SLC15A1: variants seen among roughly 807,000 people sequenced by gnomAD.
SLC15A1 encodes the protein solute carrier family 15 member 1.
SLC15A1 carries 83 observed loss-of-function variants against 92.9 expected under a neutral mutation model. The observed-to-expected ratio is 0.89, with a 90% CI of 0.75 to 1.07. SLC15A1 has a LOEUF of 1.07. Ranked by LOEUF, SLC15A1 falls within the 50% of genes least tolerant of loss-of-function variation. The pLI is 0.00. For missense variants in SLC15A1, 857 were observed against 880.1 expected (o/e 0.97, Z 0.33); for synonymous variants, 322 against 318.2 (o/e 1.01, Z -0.13).
intron 1 of SLC15A1, among the ~76,000 whole-genome samples, chr13:98,736,790 G>C (rs560076981): frequency 1.3e-5 from 2 of 152,168 alleles, no homozygotes; most frequent in Admixed American, 1.3e-4. Flanking sequence ...AAACCACAAT[G>C]AGATACCACC....
At chr13:98,732,050 T>C (rs2088354457) in intron 1 of SLC15A1, among the ~76,000 whole-genome samples, 1 of 152,242 alleles carries the variant, frequency 6.6e-6, no homozygotes, top group Non-Finnish European at 1.5e-5. Context: ...CTTATCTTAA[T>C]GTACCTGTGT....
chr13:98,691,713 A>G (rs2087978977), intron 18 of SLC15A1, among the ~76,000 whole-genome samples: 1 of 152,208 alleles, frequency 6.6e-6, no homozygotes, highest in African/African-American at 2.4e-5. Context: ...GTGGTAAAAC[A>G]TTTTAGCCCA....
chr13:98,699,001 C>A (rs1330401785), intron 18 of SLC15A1, among the ~76,000 whole-genome samples: 1 of 151,992 alleles, frequency 6.6e-6, no homozygotes, highest in African/African-American at 2.4e-5. Context: ...TTTTGGGGTG[C>A]ACAGTGCTAT....
At chr13:98,686,816 G>T (rs1328827663) in intron 21 of SLC15A1, among the ~76,000 whole-genome samples, 1 of 152,110 alleles carries the variant, frequency 6.6e-6, no homozygotes, top group Non-Finnish European at 1.5e-5. Context: ...GGCATTGTGG[G>T]CTATAATGCC....
chr13:98,730,249 GAGGGGA>G (rs2088338054), intron 1 of SLC15A1, among the ~76,000 whole-genome samples: 5 of 22,680 alleles, frequency 2.2e-4, no homozygotes, highest in African/African-American at 5.6e-4. Flanking sequence ...AGGGGAAGGG[GAGGGGA>G]AGGGGAGGGG....
chr13:98,699,402 G>A (rs2088049979), intron 18 of SLC15A1, among the ~76,000 whole-genome samples: 1 of 152,192 alleles, frequency 6.6e-6, no homozygotes, highest in Admixed American at 6.5e-5. Context: ...AAATAAAAGT[G>A]TGTAATTTTT....
At chr13:98,710,456 T>A (rs2088152413) in intron 11 of SLC15A1, among the ~76,000 whole-genome samples, 1 of 152,188 alleles carries the variant, frequency 6.6e-6, no homozygotes, top group Non-Finnish European at 1.5e-5. Context: ...ATTATGTCTA[T>A]GGAAGACTAA....
At chr13:98,729,007 C>CAAAAAAAAAAAAAAAAAAA (rs1176117196) in intron 1 of SLC15A1, among the ~76,000 whole-genome samples, 1 of 69,654 alleles carries the variant, frequency 1.4e-5, no homozygotes. Context: ...AAAAAAAAAA[C>CAAAAAAAAAAAAAAAAAAA]AACAAGCCCC....
chr13:98,694,538 T>G (rs1043462664), intron 18 of SLC15A1, among the ~76,000 whole-genome samples: 2 of 152,172 alleles, frequency 1.3e-5, no homozygotes, highest in African/African-American at 4.8e-5. Context: ...TCATTACATG[T>G]GACAAAAAGT....
At chr13:98,745,980 T>G (rs2139614412) in intron 1 of SLC15A1, among the ~76,000 whole-genome samples, 1 of 152,316 alleles carries the variant, frequency 6.6e-6, no homozygotes, top group South Asian at 2.1e-4. Flanking sequence ...ACCTAGGTAC[T>G]AAGCCTAATA....
intron 8 of SLC15A1, among the ~76,000 whole-genome samples, chr13:98,716,349 C>T (rs549249722): frequency 1.4e-4 from 21 of 152,244 alleles, no homozygotes; most frequent in Non-Finnish European, 3.1e-4. Flanking sequence ...GGGCCAGGCG[C>T]GGTGGCTCAA....
chr13:98,703,164 AGAAG>A (rs1281363952), intron 17 of SLC15A1, among the ~76,000 whole-genome samples: 16 of 129,868 alleles, frequency 1.2e-4, no homozygotes, highest in South Asian at 3.2e-4. Context: ...ATGGACGGAC[AGAAG>A]GAAGGAAGGA....
At chr13:98,732,325 C>G (rs540799812) in intron 1 of SLC15A1, among the ~76,000 whole-genome samples, 46 of 152,254 alleles carry the variant, frequency 3.0e-4, no homozygotes, top group Middle Eastern at 3.4e-3. Context: ...TCCTTAGCAC[C>G]CAACACATTG....
In SLC15A1 at chr13:98,693,837, G is replaced by A. The variant is rs150045447; in HGVS notation, c.1467-5260C>T. On this transcript the variant is annotated intron_variant, in intron 18 of 22. Transcript: ENST00000376503. The stretch of plus-strand genomic sequence containing the variant: ...AACCTCAGGACCCCAAAATCACTAT[G>A]CCAAAGGGAAAGCGAAGCTTGGGAA... Among the ~76,000 whole-genome samples the A allele has an allele frequency of 5.9e-3, 904 of 152,326 alleles. 4 individuals carry two copies. Among genetic ancestry groups the A allele is most frequent in the Non-Finnish European group, 0.011 (721 of 68,028 alleles).
At chr13:98,698,744 G>A (rs1381335284) in intron 18 of SLC15A1, among the ~76,000 whole-genome samples, 5 of 152,060 alleles carry the variant, frequency 3.3e-5, no homozygotes, top group Non-Finnish European at 5.9e-5. Context: ...GCCTACATTC[G>A]TAAGTTAATA....
chr13:98,736,633 A>C, intron 1 of SLC15A1, among the ~76,000 whole-genome samples: 1 of 152,350 alleles, frequency 6.6e-6, no homozygotes, highest in East Asian at 1.9e-4. Flanking sequence ...AAGAACTTAA[A>C]TAAATTTATA....
intron 5 of SLC15A1, among the ~76,000 whole-genome samples, chr13:98,722,400 T>C (rs2088267979): frequency 6.6e-6 from 1 of 152,196 alleles, no homozygotes; most frequent in South Asian, 2.1e-4. Flanking sequence ...AGATTTATTG[T>C]CATGTCTAGA....
At chr13:98,734,288 T>C (rs1171592744) in intron 1 of SLC15A1, among the ~76,000 whole-genome samples, 1 of 152,208 alleles carries the variant, frequency 6.6e-6, no homozygotes, top group African/African-American at 2.4e-5. Flanking sequence ...TTTGAAAGTA[T>C]GTATCATCGA....
chr13:98,692,054 C>T lies in SLC15A1; in HGVS notation c.1467-3477G>A, dbSNP rs531152111. Among the ~76,000 whole-genome samples the T allele has an allele frequency of 4.5e-4, 67 of 147,468 alleles. 1 individual carries two copies. Among genetic ancestry groups the T allele is most frequent in the African/African-American group, 1.7e-3 (66 of 39,986 alleles). ...CACCATTGTACTCCAGCCTAGGCAA[C>T]AAGAGCGAAACTCCATCTCAAAAAG... On this transcript the variant is annotated intron_variant, in intron 18 of 22. Transcript: ENST00000376503.
Sources: gnomAD v4.1 joint callset for allele counts (sites outside exome capture counted in the v4.1 genomes callset) on GRCh38, gnomAD v4.1.1 for gene constraint, MANE v1.5 for transcripts, NCBI Gene and HGNC (gene_info 2026-07-23, HGNC 2026-07-21) for gene names.